NHS: variants seen among roughly 807,000 people sequenced by gnomAD.
NHS encodes the protein NHS actin remodeling regulator.
In NHS, 5 loss-of-function variants were observed where a neutral mutation model predicts 72.5. The observed-to-expected ratio is 0.07, with a 90% CI of 0.04 to 0.14. The LOEUF (loss-of-function observed/expected upper bound fraction) is 0.14. NHS is among the 10% of genes least tolerant of loss of function. The pLI is 1.00. For synonymous variants in NHS, 464 were observed against 547.7 expected (o/e 0.85, Z 2.13); for missense variants, 1,072 against 1,355.7 (o/e 0.79, Z 3.29).
intron 1 of NHS, among the ~76,000 whole-genome samples, chrX:17,572,491 C>CTTTTT (rs760577193): frequency 1.8e-3 from 82 of 46,741 alleles, no homozygotes; most frequent in African/African-American, 2.9e-3. Flanking sequence ...GCAACCCCTG[C>CTTTTT]TTTTTTTTTT....
At chrX:17,635,442 C>T (rs2065840875) in intron 1 of NHS, 11 of 1,164,894 alleles carry the variant, frequency 9.4e-6, no homozygotes, top group Non-Finnish European at 1.1e-5. Context: ...TGCCCTCTCT[C>T]GCCCTCCATC....
intron 1 of NHS, among the ~76,000 whole-genome samples, chrX:17,467,075 C>T (rs1036233693): frequency 2.7e-5 from 3 of 111,551 alleles, no homozygotes; most frequent in African/African-American, 9.8e-5. Flanking sequence ...GATTCCTGGT[C>T]CTCAGACATG....
chrX:17,542,414 A>G (rs766517427), intron 1 of NHS, among the ~76,000 whole-genome samples: 8 of 113,503 alleles, frequency 7.0e-5, no homozygotes, highest in Non-Finnish European at 1.1e-4. Flanking sequence ...GCCAGCAGGA[A>G]CAAGGACAGT....
chrX:17,404,323 GGC>G (rs1020413396), intron 1 of NHS, among the ~76,000 whole-genome samples: 7 of 111,404 alleles, frequency 6.3e-5, no homozygotes, highest in African/African-American at 2.3e-4. Flanking sequence ...CAGAAAAGGT[GGC>G]CAAAGGTCTA....
At chrX:17,477,848 G>A (rs1313021508) in intron 1 of NHS, among the ~76,000 whole-genome samples, 3 of 111,932 alleles carry the variant, frequency 2.7e-5, no homozygotes, top group African/African-American at 6.5e-5. Context: ...AAGTCCCTTC[G>A]CAAAGGGGTG....
chrX:17,408,864 G>A (rs1457641070), intron 1 of NHS, among the ~76,000 whole-genome samples: 1 of 111,530 alleles, frequency 9.0e-6, no homozygotes, highest in Non-Finnish European at 1.9e-5. Context: ...TTCAGTTTCT[G>A]GTGAGGGCCC....
At chrX:17,391,602 G>T (rs555096477) in intron 1 of NHS, among the ~76,000 whole-genome samples, 5 of 111,936 alleles carry the variant, frequency 4.5e-5, no homozygotes, top group African/African-American at 1.6e-4. Flanking sequence ...CAGTGTAAAC[G>T]TTTTGGTCAG....
chrX:17,537,539 A>G (rs929969616), intron 1 of NHS, among the ~76,000 whole-genome samples: 4 of 112,446 alleles, frequency 3.6e-5, no homozygotes, highest in Non-Finnish European at 7.5e-5. Flanking sequence ...TTGGAGGTGA[A>G]TTTCTGTAAA....
rs777217431 is a variant in NHS, at chrX:17,449,585, G to T, written c.565+73263G>T. 1.4e-3 allele frequency among the ~76,000 whole-genome samples: 156 copies of T among 112,141 alleles called. 1 individual carries two copies. Among genetic ancestry groups the T allele is most frequent in the African/African-American group, 4.6e-3 (141 of 30,905 alleles). On this transcript the variant is annotated intron_variant, in intron 1 of 8. Coordinates refer to ENST00000676302, the MANE Select transcript of NHS (RefSeq NM_001291867.2). ...GTTTTATGCACTTTACTGTATGTAAGTGATATCTCAATTAAAAAGTACATA... is the reference window on the plus strand; with the variant it reads ...GTTTTATGCACTTTACTGTATGTAATTGATATCTCAATTAAAAAGTACATA...
intron 3 of NHS, among the ~76,000 whole-genome samples, chrX:17,704,380 A>G (rs2066283741): frequency 9.0e-6 from 1 of 110,899 alleles, no homozygotes; most frequent in Non-Finnish European, 1.9e-5. Flanking sequence ...AACTTACTGC[A>G]AGCTCTGCCT....
chrX:17,717,997 T>C (rs1482606331), intron 3 of NHS, among the ~76,000 whole-genome samples: 1 of 111,975 alleles, frequency 8.9e-6, no homozygotes. Flanking sequence ...TTCACAGATA[T>C]TTCACAGCTA....
intron 1 of NHS, among the ~76,000 whole-genome samples, chrX:17,421,861 G>A (rs1450954828): frequency 8.9e-6 from 1 of 112,220 alleles, no homozygotes; most frequent in African/African-American, 3.2e-5. Context: ...ACAGGCGTGA[G>A]CCACCGCGCC....
At chrX:17,687,447 T>TGAGCGACTGTGCCAAGGGTGAG in intron 1 of NHS, 1 of 336,441 alleles carries the variant, frequency 3.0e-6, no homozygotes, top group Non-Finnish European at 5.3e-6. Flanking sequence ...TCAGTGTTGA[T>TGAGCGACTGTGCCAAGGGTGAG]GAGCGACTGT....
At chrX:17,662,002 C>T (rs1214235910) in intron 1 of NHS, among the ~76,000 whole-genome samples, 1 of 112,235 alleles carries the variant, frequency 8.9e-6, no homozygotes, top group Non-Finnish European at 1.9e-5. Context: ...AGCCCAACTT[C>T]TCGCTCTGCC....
chrX:17,644,165 G>A (rs1403526931), intron 1 of NHS, among the ~76,000 whole-genome samples: 1 of 112,079 alleles, frequency 8.9e-6, no homozygotes, highest in African/African-American at 3.2e-5. Context: ...GCCATTTGCT[G>A]TGGATAACCA....
intron 1 of NHS, among the ~76,000 whole-genome samples, chrX:17,605,881 G>A (rs1469587529): frequency 8.9e-6 from 1 of 112,096 alleles, no homozygotes; most frequent in Non-Finnish European, 1.9e-5. Flanking sequence ...TGGAAACGTG[G>A]TGAAGGTGGA....
rs750899222 is a variant in NHS at position 17,376,135 on chromosome X, G to C, written c.378G>C (p.Ala126=). 1 of 1,180,842 alleles carries C rather than the reference G, an allele frequency of 8.5e-7. No individual in the cohort carries two copies. The highest frequency in any genetic ancestry group is 1.1e-6 in the Non-Finnish European group (1 of 885,926). ...AAVLLMLDLC[A]VSNAALARVL... ...TGCTGCTCATGCTGGACCTATGCGCGGTCAGCAACGCCGCTCTGGCCCGTG... is the reference window on the plus strand; with the variant it reads ...TGCTGCTCATGCTGGACCTATGCGCCGTCAGCAACGCCGCTCTGGCCCGTG... The change falls in exon 1 of 9, where the codon GCG becomes GCC. Residue 126 remains alanine, a synonymous_variant. Coordinates refer to ENST00000676302, the MANE Select transcript of NHS (RefSeq NM_001291867.2).
At chrX:17,725,276 A>C (rs2066433587) in intron 6 of NHS, 71 bp from the exon 7 acceptor site, 2 of 1,046,636 alleles carry the variant, frequency 1.9e-6, no homozygotes, top group African/African-American at 3.7e-5. Flanking sequence ...ACAGATCTAC[A>C]GACATAGCTC....
intron 1 of NHS, among the ~76,000 whole-genome samples, chrX:17,510,817 A>G (rs1569269856): frequency 8.9e-6 from 1 of 112,639 alleles, no homozygotes; most frequent in Non-Finnish European, 1.9e-5. Context: ...AACTGAAGAC[A>G]TAGATTTATT....
Sources: gnomAD v4.1 joint callset for allele counts (sites outside exome capture counted in the v4.1 genomes callset) on GRCh38, gnomAD v4.1.1 for gene constraint, MANE v1.5 for transcripts, NCBI Gene and HGNC (gene_info 2026-07-23, HGNC 2026-07-21) for gene names.